GPC5: variants seen among roughly 807,000 people sequenced by gnomAD.
GPC5 encodes the protein glypican-5.
GPC5 carries 47 observed loss-of-function variants against 53.9 expected under a neutral mutation model. The ratio of observed to expected loss-of-function variants is 0.87; its 90% CI spans 0.69 to 1.11. The LOEUF (loss-of-function observed/expected upper bound fraction) is 1.11. GPC5 is among the 50% of genes most tolerant of loss of function. GPC5 has a pLI of 0.00. For synonymous variants in GPC5, 286 were observed against 263.3 expected, an observed-to-expected ratio of 1.09 and a Z score of -0.84; for missense variants, 748 against 713.1, an observed-to-expected ratio of 1.05 and a Z score of -0.56.
At chr13:91,894,641 TC>T (rs2039422109) in intron 5 of GPC5, among the ~76,000 whole-genome samples, 1 of 152,188 alleles carries the variant, frequency 6.6e-6, no homozygotes, top group Non-Finnish European at 1.5e-5. Context: ...GGTTGTGACT[TC>T]CTTAGTGATT....
chr13:92,266,609 T>G (rs543305000), intron 7 of GPC5, among the ~76,000 whole-genome samples: 2 of 152,256 alleles, frequency 1.3e-5, no homozygotes, highest in Admixed American at 1.3e-4. Context: ...GCTATGTATA[T>G]TATCTCCAAG....
rs181464585 is a variant in GPC5 at position 92,368,234 on chromosome 13, C to T, written c.1561+223245C>T. On this transcript the variant is annotated intron_variant, in intron 7 of 7. Coordinates refer to ENST00000377067, the MANE Select transcript of GPC5 (RefSeq NM_004466.6). Reference sequence around the variant, plus strand: ...TCCTGACCTCAAGTGATCCGCCCACCTCCGCCTCCCAAAGTGCTGGGATTA... The same window carrying T: ...TCCTGACCTCAAGTGATCCGCCCACTTCCGCCTCCCAAAGTGCTGGGATTA... 1.3e-4 allele frequency among the ~76,000 whole-genome samples: 20 copies of T among 151,890 alleles called. No individual in the cohort carries two copies. The East Asian group carries it at 2.6e-3, about 20-fold the overall frequency.
chr13:92,605,120 C>G (rs1884209311), intron 7 of GPC5, among the ~76,000 whole-genome samples: 1 of 152,048 alleles, frequency 6.6e-6, no homozygotes, highest in Non-Finnish European at 1.5e-5. Flanking sequence ...ATATATAAGT[C>G]AAAAACCAAT....
intron 7 of GPC5, among the ~76,000 whole-genome samples, chr13:92,477,420 G>A (rs1879192767): frequency 6.6e-6 from 1 of 151,842 alleles, no homozygotes; most frequent in African/African-American, 2.4e-5. Context: ...ACCCAGGCAT[G>A]TATCTGCAGG....
chr13:92,628,901 G>A (rs964891846), intron 7 of GPC5, among the ~76,000 whole-genome samples: 7 of 152,174 alleles, frequency 4.6e-5, no homozygotes, highest in Non-Finnish European at 1.0e-4. Context: ...GTGGTGGGAA[G>A]CATTTCCCAT....
chr13:91,673,096 G>C (rs2035288868), intron 2 of GPC5, among the ~76,000 whole-genome samples: 1 of 152,092 alleles, frequency 6.6e-6, no homozygotes, highest in South Asian at 2.1e-4. Context: ...AGGGGGTGAG[G>C]GGAGGGAACT....
At chr13:91,601,527 A>C (rs1427136528) in intron 2 of GPC5, among the ~76,000 whole-genome samples, 1 of 152,158 alleles carries the variant, frequency 6.6e-6, no homozygotes, top group Non-Finnish European at 1.5e-5. Context: ...CAGGTGAGCA[A>C]GTGAAGCTTC....
chr13:92,845,775 A>T (rs1270360918), intron 7 of GPC5, among the ~76,000 whole-genome samples: 1 of 152,214 alleles, frequency 6.6e-6, no homozygotes, highest in Non-Finnish European at 1.5e-5. Flanking sequence ...CATCCATCAC[A>T]TTAATATAAT....
intron 7 of GPC5, among the ~76,000 whole-genome samples, chr13:92,754,203 C>A (rs925947066): frequency 1.3e-5 from 2 of 152,048 alleles, no homozygotes; most frequent in Admixed American, 6.6e-5. Context: ...GAATTTTCAA[C>A]CCAGAATTTC....
intron 4 of GPC5, among the ~76,000 whole-genome samples, chr13:91,738,536 G>A (rs2036862101): frequency 6.6e-6 from 1 of 151,066 alleles, no homozygotes; most frequent in South Asian, 2.1e-4. Flanking sequence ...AGGTAGCTGG[G>A]CTTAAGACTG....
chr13:92,093,459 CAT>C (rs953405077), intron 6 of GPC5, among the ~76,000 whole-genome samples: 1 of 152,046 alleles, frequency 6.6e-6, no homozygotes, highest in Non-Finnish European at 1.5e-5. Context: ...CACGAACTCA[CAT>C]AGTTATATCA....
At chr13:91,727,515 A>G (rs1463331214) in intron 3 of GPC5, among the ~76,000 whole-genome samples, 2 of 152,246 alleles carry the variant, frequency 1.3e-5, no homozygotes, top group South Asian at 2.1e-4. Flanking sequence ...CATTTAATAT[A>G]TGTGCTTTGC....
intron 7 of GPC5, among the ~76,000 whole-genome samples, chr13:92,182,610 G>T (rs567066173): frequency 6.6e-6 from 1 of 152,126 alleles, no homozygotes; most frequent in Admixed American, 6.6e-5. Flanking sequence ...AGAAAATTCC[G>T]ATCGCCATAA....
chr13:91,851,116 T>C (rs2038908056), intron 5 of GPC5, among the ~76,000 whole-genome samples: 1 of 152,150 alleles, frequency 6.6e-6, no homozygotes, highest in South Asian at 2.1e-4. Context: ...AGGTGAGGTC[T>C]GAGCTGATAC....
At chr13:92,635,104 C>G (rs1300146974) in intron 7 of GPC5, among the ~76,000 whole-genome samples, 2 of 151,842 alleles carry the variant, frequency 1.3e-5, no homozygotes, top group Non-Finnish European at 2.9e-5. Context: ...CACAGATAAA[C>G]CTTTTATCTG....
intron 7 of GPC5, among the ~76,000 whole-genome samples, chr13:92,636,321 TA>T (rs144565041): frequency 0.048 from 7,258 of 152,238 alleles, 246 homozygotes; most frequent in African/African-American, 0.093. Flanking sequence ...GGTATCACCG[TA>T]AAAAATCATT....
intron 2 of GPC5, among the ~76,000 whole-genome samples, chr13:91,511,182 G>A (rs904740692): frequency 1.3e-5 from 2 of 151,730 alleles, no homozygotes; most frequent in South Asian, 2.1e-4. Context: ...TTCCCTCTTC[G>A]GTACTTTAAA....
intron 6 of GPC5, among the ~76,000 whole-genome samples, chr13:92,128,429 T>A (rs2041717246): frequency 6.6e-6 from 1 of 152,232 alleles, no homozygotes; most frequent in East Asian, 1.9e-4. Flanking sequence ...TGTCACATTT[T>A]AAGCTGCTTC....
intron 6 of GPC5, among the ~76,000 whole-genome samples, chr13:92,089,330 AG>A (rs2041360881): frequency 6.6e-6 from 1 of 152,066 alleles, no homozygotes; most frequent in Non-Finnish European, 1.5e-5. Context: ...GCTACTCAGG[AG>A]GCTGAGGCAG....
Sources: allele counts gnomAD v4.1 joint callset (sites outside exome capture counted in the v4.1 genomes callset), GRCh38; gene constraint gnomAD v4.1.1; transcripts MANE v1.5; gene names NCBI Gene and HGNC (gene_info 2026-07-23, HGNC 2026-07-21).